PDGFRL: variants seen among roughly 807,000 people sequenced by gnomAD.
PDGFRL encodes platelet-derived growth factor receptor-like protein.
Under a neutral mutation model 37.2 loss-of-function variants are expected in PDGFRL, and 46 were observed. The observed-to-expected ratio is 1.24, with a 90% CI of 0.98 to 1.58. The LOEUF (loss-of-function observed/expected upper bound fraction) is 1.58, where lower values mean the gene tolerates loss of function less well. Ranked by LOEUF, PDGFRL falls within the 40% of genes most tolerant of loss-of-function variation. PDGFRL has a pLI of 0.00. For synonymous variants in PDGFRL, 251 were observed against 184.3 expected, an observed-to-expected ratio of 1.36 and a Z score of -2.93; for missense variants, 692 against 467.6, an observed-to-expected ratio of 1.48 and a Z score of -4.43.
At chr8:17,611,863 G>T (rs1009274317) in intron 2 of PDGFRL, among the ~76,000 whole-genome samples, 3 of 152,216 alleles carry the variant, frequency 2.0e-5, no homozygotes, top group Admixed American at 1.3e-4. Context: ...GAGGAGAAAT[G>T]AGAGAGTCAA....
intron 1 of PDGFRL, among the ~76,000 whole-genome samples, 169 bp from the exon 2 acceptor site, chr8:17,589,299 T>C (rs370998184): frequency 1.6e-4 from 24 of 151,714 alleles, no homozygotes; most frequent in African/African-American, 5.8e-4. Context: ...GGCAAGAGAA[T>C]CACTTGAACC....
At chr8:17,637,050 T>C (rs952608876) in intron 5 of PDGFRL, among the ~76,000 whole-genome samples, 2 of 152,170 alleles carry the variant, frequency 1.3e-5, no homozygotes, top group African/African-American at 4.8e-5. Flanking sequence ...TATGATTACA[T>C]CATCAGCAAA....
rs147303070 is a variant in PDGFRL, at chr8:17,577,750, G to A, written c.55+443G>A. 5.9e-5 allele frequency among the ~76,000 whole-genome samples: 9 copies of A among 151,622 alleles called. No individual in the cohort carries two copies. In the East Asian group the frequency reaches 1.8e-3, roughly 30 times the overall value. On this transcript the variant is annotated intron_variant, in intron 1 of 5. Coordinates refer to ENST00000251630, the MANE Select transcript of PDGFRL (RefSeq NM_001372073.1). ...CGGCAATCGCTGATTCGGTTGCAGA[G>A]TTCCAGGTGACCTCCCCCTCCCCTC...
At chr8:17,587,304 C>T (rs550961094) in intron 1 of PDGFRL, among the ~76,000 whole-genome samples, 1 of 152,200 alleles carries the variant, frequency 6.6e-6, no homozygotes, top group East Asian at 1.9e-4. Flanking sequence ...TCTCATGTTC[C>T]TGAGTAACAT....
In PDGFRL at chr8:17,579,556, G is replaced by GTTATTATTATTA. The variant is rs3988349; in HGVS notation, c.55+2267_55+2278dup. On this transcript the variant is annotated intron_variant, in intron 1 of 5. Transcript: ENST00000251630. The stretch of plus-strand genomic sequence containing the variant: ...TCTTTATTATTATTTTATTATTATT[G>GTTATTATTATTA]TTATTATTATTATTATTATTATTAT... Among the ~76,000 whole-genome samples the GTTATTATTATTA allele has an allele frequency of 3.2e-3, 388 of 119,528 alleles. 1 individual carries two copies. Among genetic ancestry groups the GTTATTATTATTA allele is most frequent in the South Asian group, 0.018 (66 of 3,734 alleles). The allele number at this position is 119,528 out of a possible 152,430, so 78.4% of individuals were successfully genotyped here.
intron 5 of PDGFRL, among the ~76,000 whole-genome samples, chr8:17,641,561 T>C (rs968021096): frequency 6.6e-6 from 1 of 152,180 alleles, no homozygotes; most frequent in Non-Finnish European, 1.5e-5. Flanking sequence ...ATCCACCAAG[T>C]GGACATAGAC....
rs144672512 is a variant in PDGFRL at position 17,634,535 on chromosome 8, G to A, written c.939+322G>A. 6.0e-3 allele frequency among the ~76,000 whole-genome samples: 902 copies of A among 151,550 alleles called. 3 individuals carry two copies. Among genetic ancestry groups the A allele is most frequent in the Non-Finnish European group, 9.2e-3 (627 of 67,888 alleles). Reference sequence around the variant, plus strand: ...AAAGGACAGTAATGCTCATTGCAGCGCCATTCACAATACCAAAGACATGGA... The same window carrying A: ...AAAGGACAGTAATGCTCATTGCAGCACCATTCACAATACCAAAGACATGGA... On this transcript the variant is annotated intron_variant, in intron 5 of 5. Coordinates refer to ENST00000251630, the MANE Select transcript of PDGFRL (RefSeq NM_001372073.1).
chr8:17,639,079 T>C (rs747555653), intron 5 of PDGFRL, among the ~76,000 whole-genome samples: 3 of 151,886 alleles, frequency 2.0e-5, no homozygotes, highest in Non-Finnish European at 4.4e-5. Flanking sequence ...AAAGAATAGC[T>C]ACTCCTGCTC....
chr8:17,622,784 A>T (rs879593529), intron 3 of PDGFRL, among the ~76,000 whole-genome samples: 1 of 152,182 alleles, frequency 6.6e-6, no homozygotes, highest in African/African-American at 2.4e-5. Flanking sequence ...AAGGGCTTCT[A>T]TGTTCCCTCG....
At chr8:17,610,212 G>C (rs184719772) in intron 2 of PDGFRL, among the ~76,000 whole-genome samples, 15 of 152,298 alleles carry the variant, frequency 9.8e-5, no homozygotes, top group African/African-American at 3.4e-4. Context: ...GTGGCTGTGA[G>C]CGTTCAGCTG....
chr8:17,631,876 C>A (rs905589141), intron 4 of PDGFRL, among the ~76,000 whole-genome samples: 1 of 152,218 alleles, frequency 6.6e-6, no homozygotes, highest in African/African-American at 2.4e-5. Context: ...CCCAGGCACC[C>A]TTCTTTCCCA....
intron 2 of PDGFRL, among the ~76,000 whole-genome samples, chr8:17,592,495 C>T (rs148028897): frequency 1.3e-5 from 2 of 152,284 alleles, no homozygotes; most frequent in African/African-American, 2.4e-5. Flanking sequence ...GTCCAGCATC[C>T]TCATATGGCA....
At chr8:17,626,272 C>A (rs546594968) in intron 3 of PDGFRL, among the ~76,000 whole-genome samples, 1 of 152,190 alleles carries the variant, frequency 6.6e-6, no homozygotes, top group Non-Finnish European at 1.5e-5. Flanking sequence ...TGTGTGAACT[C>A]ATGAACATTA....
chr8:17,626,539 T>C (rs879917528), intron 3 of PDGFRL, among the ~76,000 whole-genome samples: 1 of 152,026 alleles, frequency 6.6e-6, no homozygotes, highest in Non-Finnish European at 1.5e-5. Flanking sequence ...TAAAACACCA[T>C]CTAACTGTGA....
Position 17,606,932 on chromosome 8 carries a change from G to C in PDGFRL, c.354-14119G>C, listed in dbSNP as rs553453781. ...TTTTTTTGAGACGGAGTCTTGCTCT[G>C]TCACCCAGGCTGGAGTGCAGTGGTG... is the stretch of plus-strand genomic sequence containing the variant. On this transcript the variant is annotated intron_variant, in intron 2 of 5. Transcript: ENST00000251630. Among the ~76,000 whole-genome samples the C allele has an allele frequency of 4.1e-4, 50 of 122,762 alleles. 1 individual carries two copies. In the East Asian group the frequency reaches 0.011, roughly 27 times the overall value. The allele number at this position is 122,762 out of a possible 152,430, so 80.5% of individuals were successfully genotyped here.
intron 2 of PDGFRL, among the ~76,000 whole-genome samples, chr8:17,607,431 T>C (rs1804306557): frequency 6.6e-6 from 1 of 152,214 alleles, no homozygotes; most frequent in Non-Finnish European, 1.5e-5. Flanking sequence ...AAAGTTTCTT[T>C]CAACAAAACA....
chr8:17,586,416 T>C (rs1190288013), intron 1 of PDGFRL, among the ~76,000 whole-genome samples: 2 of 152,144 alleles, frequency 1.3e-5, no homozygotes, highest in East Asian at 1.9e-4. Flanking sequence ...TCATGGTGCA[T>C]GAGATTTGTG....
intron 2 of PDGFRL, among the ~76,000 whole-genome samples, chr8:17,600,655 A>C (rs1269709497): frequency 3.3e-5 from 5 of 151,870 alleles, no homozygotes; most frequent in African/African-American, 1.2e-4. Context: ...ATTGTTTTAA[A>C]TTACAGGTGT....
intron 2 of PDGFRL, among the ~76,000 whole-genome samples, chr8:17,610,039 T>A (rs570519555): frequency 6.6e-6 from 1 of 152,344 alleles, no homozygotes; most frequent in East Asian, 1.9e-4. Context: ...CCAGGCCCCA[T>A]GGCTGTTGCA....
Sources: gnomAD v4.1 joint callset for allele counts (sites outside exome capture counted in the v4.1 genomes callset) on GRCh38, gnomAD v4.1.1 for gene constraint, MANE v1.5 for transcripts, NCBI Gene and HGNC (gene_info 2026-07-23, HGNC 2026-07-21) for gene names.